The following PRKAG2 variants were observed in gnomAD, a reference collection of about 807,000 sequenced individuals.
PRKAG2 encodes the protein protein kinase AMP-activated non-catalytic subunit gamma 2.
A neutral mutation model predicts 69.6 loss-of-function variants in PRKAG2; 26 were observed. The observed-to-expected ratio is 0.37, with a 90% CI of 0.27 to 0.52. The LOEUF (loss-of-function observed/expected upper bound fraction) is 0.52. Ranked by LOEUF, PRKAG2 falls within the 20% of genes least tolerant of loss-of-function variation. PRKAG2 has a pLI of 0.90. For missense variants in PRKAG2, 557 were observed against 740.0 expected (o/e 0.75, Z 2.87); for synonymous variants, 293 against 285.0 (o/e 1.03, Z -0.28).
intron 14 of PRKAG2, 26 bp downstream of exon 14, chr7:151,564,052 G>A: frequency 4.3e-6 from 7 of 1,613,760 alleles, no homozygotes; most frequent in Non-Finnish European, 5.1e-6. Flanking sequence ...GACGTCGGGG[G>A]AGCAGGACTG....
chr7:151,672,402 G>A (rs1004305762), intron 4 of PRKAG2, among the ~76,000 whole-genome samples: 1 of 152,130 alleles, frequency 6.6e-6, no homozygotes, highest in Admixed American at 6.6e-5. Context: ...GCCACCATTC[G>A]AACGATTTTC....
chr7:151,754,243 G>C (rs2074912587), intron 3 of PRKAG2, among the ~76,000 whole-genome samples: 1 of 152,238 alleles, frequency 6.6e-6, no homozygotes, highest in African/African-American at 2.4e-5. Flanking sequence ...CCCTGGCTGG[G>C]GACGTCTTCC....
Position 151,632,165 on chromosome 7 carries a change from C to T in PRKAG2, c.685-27G>A, listed in dbSNP as rs1327957506. The stretch of plus-strand genomic sequence containing the variant: ...TGAGGGGGAGGAGGAGGACAGCGAT[C>T]AGCATGAGCTGCGACGCTCGTCCCC... On this transcript the variant is annotated intron_variant, in intron 4 of 15. Coordinates refer to ENST00000287878, the MANE Select transcript of PRKAG2 (RefSeq NM_016203.4). The surrounding 1 kb of genome is among the most constrained non-coding windows in gnomAD (Gnocchi z 4.2). 11 of 1,347,772 alleles carry T rather than the reference C, an allele frequency of 8.2e-6. No individual in the cohort carries two copies. Among genetic ancestry groups the T allele is most frequent in the Non-Finnish European group, 1.1e-5 (11 of 1,037,522 alleles). The allele number at this position is 1,347,772 out of a possible 1,614,324, so 83.5% of individuals were successfully genotyped here. A position where few individuals can be genotyped will look rare whatever the true frequency, so the allele number is the denominator to read the frequency against.
At chr7:151,594,125 C>T (rs747406111) in intron 6 of PRKAG2, among the ~76,000 whole-genome samples, 35 of 152,154 alleles carry the variant, frequency 2.3e-4, no homozygotes, top group Non-Finnish European at 4.0e-4. Flanking sequence ...GGGGTGGATA[C>T]ACTCCAGGGC....
Position 151,863,933 on chromosome 7 carries a change from A to G in PRKAG2, c.114+12574T>C, listed in dbSNP as rs563233791. 3.3e-5 allele frequency among the ~76,000 whole-genome samples: 5 copies of G among 151,182 alleles called. No individual in the cohort carries two copies. The South Asian group carries it at 8.3e-4, about 25-fold the overall frequency. ...AAAAAAAAAAGGAACCAAGAACCAA[A>G]TATGTCCACCTGCCTTTATGCTGTA... On this transcript the variant is annotated intron_variant, in intron 1 of 15. Transcript: ENST00000287878.
In PRKAG2 at chr7:151,814,153, C is replaced by T. The variant is rs2151857101; in HGVS notation, c.115-27612G>A. On this transcript the variant is annotated intron_variant, in intron 1 of 15. Transcript: ENST00000287878. The surrounding 1 kb of genome is among the most constrained non-coding windows in gnomAD (Gnocchi z 4.8). ...GAATGGAGCTGAACACGCCCACACACATACCACCTTCACTAGTGATGCTCT... is the reference window on the plus strand; with the variant it reads ...GAATGGAGCTGAACACGCCCACACATATACCACCTTCACTAGTGATGCTCT... 6.6e-6 allele frequency among the ~76,000 whole-genome samples: 1 copy of T among 152,318 alleles called. No homozygotes were observed.
At chr7:151,568,337 C>T (rs1806741549) in intron 11 of PRKAG2, among the ~76,000 whole-genome samples, 2 of 152,282 alleles carry the variant, frequency 1.3e-5, no homozygotes, top group African/African-American at 2.4e-5. Context: ...AACCATGACA[C>T]CAGTAAAAGC....
chr7:151,754,830 C>T (rs1374022374), intron 3 of PRKAG2, among the ~76,000 whole-genome samples: 1 of 152,068 alleles, frequency 6.6e-6, no homozygotes, highest in Non-Finnish European at 1.5e-5. Context: ...CCTTCGCGGT[C>T]CCCTCAGTTC....
intron 1 of PRKAG2, among the ~76,000 whole-genome samples, chr7:151,825,932 T>C (rs2078895278): frequency 6.6e-6 from 1 of 152,194 alleles, no homozygotes; most frequent in Non-Finnish European, 1.5e-5. Flanking sequence ...CAGTAGGTCC[T>C]TGGCCAGCAT....
intron 5 of PRKAG2, among the ~76,000 whole-genome samples, chr7:151,616,424 G>A (rs73730223): frequency 0.012 from 1,901 of 152,324 alleles, 28 homozygotes; most frequent in African/African-American, 0.043. Context: ...TAGTGGATAG[G>A]AAGCAGGACT....
chr7:151,656,547 C>T (rs1829451806), intron 4 of PRKAG2, among the ~76,000 whole-genome samples: 1 of 152,206 alleles, frequency 6.6e-6, no homozygotes, highest in African/African-American at 2.4e-5. Context: ...CAGAGCAAGA[C>T]TGCATCTCAA....
intron 3 of PRKAG2, among the ~76,000 whole-genome samples, chr7:151,721,633 A>G (rs1286455875): frequency 1.3e-5 from 2 of 152,198 alleles, no homozygotes; most frequent in Non-Finnish European, 2.9e-5. Flanking sequence ...AGTCAAGGAC[A>G]TTCTACCCTG....
At chr7:151,684,870 C>T (rs897566015) in intron 3 of PRKAG2, among the ~76,000 whole-genome samples, 2 of 152,078 alleles carry the variant, frequency 1.3e-5, no homozygotes, top group Non-Finnish European at 2.9e-5. Flanking sequence ...TTCCTGAGGG[C>T]GTGGAGGCCA....
rs201025165 is a variant in PRKAG2 at position 151,855,016 on chromosome 7, C to A, written c.114+21491G>T. 8.5e-3 allele frequency among the ~76,000 whole-genome samples: 525 copies of A among 61,992 alleles called. 46 individuals are homozygous for A. The highest frequency in any genetic ancestry group is 0.032 in the African/African-American group (503 of 15,534). The allele number at this position is 61,992 out of a possible 152,430, so 40.7% of individuals were successfully genotyped here. A position where few individuals can be genotyped will look rare whatever the true frequency, so the allele number is the denominator to read the frequency against. Reference sequence around the variant, plus strand: ...CACACCATGCTCCACACACACCACCCTCCACACACACCATGCTCCACACAC... The same window carrying A: ...CACACCATGCTCCACACACACCACCATCCACACACACCATGCTCCACACAC... On this transcript the variant is annotated intron_variant, in intron 1 of 15. Transcript: ENST00000287878.
chr7:151,586,333 AT>A (rs3838328), intron 6 of PRKAG2, among the ~76,000 whole-genome samples: 42,094 of 150,926 alleles, frequency 0.28, 5,940 homozygotes, highest in Admixed American at 0.31. Flanking sequence ...TCTCCTGTAA[AT>A]TTTTTTTTTG....
At chr7:151,662,274 T>TA (rs1830432264) in intron 4 of PRKAG2, among the ~76,000 whole-genome samples, 2 of 152,220 alleles carry the variant, frequency 1.3e-5, no homozygotes, top group South Asian at 4.1e-4. Context: ...GTGCCATTTC[T>TA]ATTTGATGTC....
chr7:151,566,690 C>T, intron 11 of PRKAG2: 1 of 382,490 alleles, frequency 2.6e-6, no homozygotes, highest in South Asian at 2.0e-5. Flanking sequence ...ATATTCAAAT[C>T]ATGAGACTCC....
chr7:151,654,300 G>T (rs896404347), intron 4 of PRKAG2, among the ~76,000 whole-genome samples: 19 of 152,132 alleles, frequency 1.2e-4, no homozygotes, highest in African/African-American at 3.6e-4. Flanking sequence ...CTTCTGTGCT[G>T]CAGTCTTCTT....
At chr7:151,640,952 CATAA>C (rs1826566433) in intron 4 of PRKAG2, among the ~76,000 whole-genome samples, 1 of 152,202 alleles carries the variant, frequency 6.6e-6, no homozygotes, top group Non-Finnish European at 1.5e-5. Flanking sequence ...ATTTTAGTAG[CATAA>C]ATGGGTTTAG....
Sources: allele counts gnomAD v4.1 joint callset (sites outside exome capture counted in the v4.1 genomes callset), GRCh38; gene constraint gnomAD v4.1.1; non-coding constraint Gnocchi (gnomAD v3.1); transcripts MANE v1.5; gene names NCBI Gene and HGNC (gene_info 2026-07-23, HGNC 2026-07-21).